Variants in ZNF148 observed in about 807,000 individuals in gnomAD.
ZNF148 encodes Beta-Enolase Repressor Factor-1.
Under a neutral mutation model 67.7 loss-of-function variants are expected in ZNF148, and 7 were observed. The ratio of observed to expected loss-of-function variants is 0.10; its 90% confidence interval spans 0.06 to 0.19. The LOEUF (loss-of-function observed/expected upper bound fraction) is 0.19. Among genes scored for constraint, ZNF148 ranks in the 10% least tolerant of loss-of-function variants. ZNF148 has a pLI of 1.00. For missense variants in ZNF148, 583 were observed against 947.1 expected (o/e 0.62, Z 5.05); for synonymous variants, 333 against 330.7 (o/e 1.01, Z -0.08).
intron 7 of ZNF148, among the ~76,000 whole-genome samples, chr3:125,247,914 A>G (rs1446933343): frequency 6.6e-6 from 1 of 152,184 alleles, no homozygotes; most frequent in South Asian, 2.1e-4. Flanking sequence ...AATACAAAAC[A>G]AAACAAAAAA....
At chr3:125,273,816 T>C (rs544201185) in intron 7 of ZNF148, among the ~76,000 whole-genome samples, 2 of 152,196 alleles carry the variant, frequency 1.3e-5, no homozygotes, top group Non-Finnish European at 2.9e-5. Flanking sequence ...CCTATAGAAA[T>C]AGCTTCGTAA....
intron 7 of ZNF148, among the ~76,000 whole-genome samples, chr3:125,266,146 C>A (rs995474338): frequency 2.0e-5 from 3 of 152,096 alleles, no homozygotes; most frequent in Non-Finnish European, 4.4e-5. Context: ...CACTGACAGC[C>A]TTAAATAGAT....
At chr3:125,371,841 G>T (rs1469346803) in intron 1 of ZNF148, among the ~76,000 whole-genome samples, 2 of 151,868 alleles carry the variant, frequency 1.3e-5, no homozygotes, top group African/African-American at 2.4e-5. Flanking sequence ...GAGGCGGGTA[G>T]ATCACGAGGT....
At chr3:125,283,351 A>G (rs750441652) in intron 5 of ZNF148, among the ~76,000 whole-genome samples, 2 of 152,182 alleles carry the variant, frequency 1.3e-5, no homozygotes, top group African/African-American at 2.4e-5. Context: ...ACAGCACCAG[A>G]ACAAGAAATT....
intron 1 of ZNF148, among the ~76,000 whole-genome samples, chr3:125,345,016 A>G (rs981026945): frequency 1.3e-5 from 2 of 152,226 alleles, no homozygotes; most frequent in Admixed American, 1.3e-4. Flanking sequence ...ACATGACAAT[A>G]AATTTTTTAA....
chr3:125,363,284 G>A (rs1942600052), intron 1 of ZNF148, among the ~76,000 whole-genome samples: 1 of 152,004 alleles, frequency 6.6e-6, no homozygotes, highest in South Asian at 2.1e-4. Context: ...TTTCATAACC[G>A]TCAGTGCCCT....
At chr3:125,365,899 C>T (rs1277752074) in intron 1 of ZNF148, among the ~76,000 whole-genome samples, 1 of 152,218 alleles carries the variant, frequency 6.6e-6, no homozygotes, top group African/African-American at 2.4e-5. Context: ...CTGCATTCCA[C>T]TTCCATATTC....
intron 3 of ZNF148, among the ~76,000 whole-genome samples, chr3:125,316,574 G>C (rs1252502849): frequency 6.6e-6 from 1 of 152,046 alleles, no homozygotes. Flanking sequence ...TTGCAGTTTT[G>C]ATCTCCATTT....
chr3:125,311,759 G>C (rs1002497034), intron 4 of ZNF148, among the ~76,000 whole-genome samples: 1 of 152,064 alleles, frequency 6.6e-6, no homozygotes, highest in East Asian at 1.9e-4. Context: ...AGAAATCAAA[G>C]AGAGGACATC....
chr3:125,354,319 C>CTT (rs1383317535), intron 1 of ZNF148, among the ~76,000 whole-genome samples: 3 of 152,026 alleles, frequency 2.0e-5, no homozygotes, highest in Non-Finnish European at 4.4e-5. Flanking sequence ...ACTCAGTTCA[C>CTT]TTTTTTTGTT....
At position 125,279,817 on chromosome 3, in the gene ZNF148, T is replaced by C. The variant is rs544078874; in HGVS notation, c.460-570A>G. ...CTAACTTTTGTATATAAAAGGTACA[T>C]ATAGGAATATATATTTGCATAGGCA... On this transcript the variant is annotated intron_variant, in intron 5 of 8. Transcript: ENST00000360647. Among the ~76,000 whole-genome samples the C allele has an allele frequency of 2.0e-5, 3 of 151,958 alleles. No individual in the cohort carries two copies. In the East Asian group the frequency reaches 5.8e-4, roughly 29 times the overall value.
intron 5 of ZNF148, 65 bp downstream of exon 5, chr3:125,288,038 C>A (rs1938796805): frequency 1.2e-6 from 2 of 1,606,954 alleles, no homozygotes; most frequent in Admixed American, 1.7e-5. Context: ...CAGGTTCTTG[C>A]CTATAGAATT....
At chr3:125,363,169 T>C (rs1942596390) in intron 1 of ZNF148, among the ~76,000 whole-genome samples, 1 of 152,248 alleles carries the variant, frequency 6.6e-6, no homozygotes, top group Admixed American at 6.5e-5. Context: ...AATTAGAATA[T>C]ATAATGATTT....
chr3:125,339,561 C>A (rs1344900814), intron 1 of ZNF148, among the ~76,000 whole-genome samples: 3 of 152,154 alleles, frequency 2.0e-5, no homozygotes, highest in African/African-American at 7.2e-5. Flanking sequence ...TATGACTGAC[C>A]TCACAAAAAC....
At chr3:125,235,772 A>G (rs1560104036) in intron 7 of ZNF148, among the ~76,000 whole-genome samples, 1 of 151,916 alleles carries the variant, frequency 6.6e-6, no homozygotes, top group Non-Finnish European at 1.5e-5. Flanking sequence ...ATGCAGCCAT[A>G]AAAAAGGATG....
rs190908131 is a variant in ZNF148 at position 125,324,496 on chromosome 3, G to C, written c.-152-1052C>G. Among the ~76,000 whole-genome samples the C allele has an allele frequency of 3.2e-3, 484 of 152,220 alleles. 2 individuals are homozygous for C. Among genetic ancestry groups the C allele is most frequent in the Non-Finnish European group, 5.0e-3 (339 of 67,994 alleles). On this transcript the variant is annotated intron_variant, in intron 2 of 8. Transcript: ENST00000360647. Reference sequence around the variant, plus strand: ...CACTCAAAACAAAAACAGAGTACAGGCTATACACAGGAAGAAAACTTCCTG... The same window carrying C: ...CACTCAAAACAAAAACAGAGTACAGCCTATACACAGGAAGAAAACTTCCTG...
chr3:125,249,994 G>C (rs761012555), intron 7 of ZNF148, among the ~76,000 whole-genome samples: 2 of 152,112 alleles, frequency 1.3e-5, no homozygotes, highest in Non-Finnish European at 2.9e-5. Flanking sequence ...AAACAGAGTA[G>C]AATAATAGTC....
intron 7 of ZNF148, among the ~76,000 whole-genome samples, chr3:125,243,293 A>C (rs759606029): frequency 1.3e-5 from 2 of 152,024 alleles, no homozygotes; most frequent in Non-Finnish European, 2.9e-5. Flanking sequence ...TTCCCTGCGT[A>C]TGTGTGTGTG....
chr3:125,250,698 G>T (rs1936803262), intron 7 of ZNF148, among the ~76,000 whole-genome samples: 1 of 152,050 alleles, frequency 6.6e-6, no homozygotes, highest in Non-Finnish European at 1.5e-5. Flanking sequence ...AGTTTTCTGG[G>T]GTTTTTTGTT....
Sources: gnomAD v4.1 joint callset for allele counts (sites outside exome capture counted in the v4.1 genomes callset) on GRCh38, gnomAD v4.1.1 for gene constraint, MANE v1.5 for transcripts, NCBI Gene and HGNC (gene_info 2026-07-23, HGNC 2026-07-21) for gene names.